DNAH3: variants seen among roughly 807,000 people sequenced by gnomAD.
DNAH3 encodes the protein dynein axonemal heavy chain 3, also known as axonemal beta dynein heavy chain 3.
In DNAH3, 332 loss-of-function variants were observed where a neutral mutation model predicts 432.5. That is an observed-to-expected ratio of 0.77 (90% CI 0.70 to 0.84). DNAH3 has a LOEUF of 0.84. Among genes scored for constraint, DNAH3 ranks in the 40% least tolerant of loss-of-function variants. The pLI, the probability that DNAH3 is intolerant of heterozygous loss-of-function variation, is 0.00. For synonymous variants in DNAH3, 1,956 were observed against 1,900.2 expected (o/e 1.03, Z -0.76); for missense variants, 4,861 against 5,114.0 (o/e 0.95, Z 1.51).
chr16:21,130,059 A>AAATGAATG (rs34767278), intron 7 of DNAH3: 2 of 150,404 alleles, frequency 1.3e-5, no homozygotes, highest in South Asian at 4.3e-4. Context: ...CCTATTTGTT[A>AAATGAATG]AATGAATGAA....
At chr16:21,118,526 C>T (rs1241109691) in intron 11 of DNAH3, among the ~76,000 whole-genome samples, 1 of 152,082 alleles carries the variant, frequency 6.6e-6, no homozygotes, top group Non-Finnish European at 1.5e-5. Context: ...TGTGACTCCT[C>T]AGCTCAAGCA....
At chr16:21,156,996 A>AACACAC (rs34199213) in intron 1 of DNAH3, among the ~76,000 whole-genome samples, 41,320 of 147,204 alleles carry the variant, frequency 0.28, 5,846 homozygotes, top group South Asian at 0.51. Context: ...AATCTAAGGA[A>AACACAC]ACACACACAC....
At chr16:21,151,205 T>C (rs1363966316) in intron 1 of DNAH3, among the ~76,000 whole-genome samples, 1 of 152,128 alleles carries the variant, frequency 6.6e-6, no homozygotes. Flanking sequence ...GTCTGTAAAA[T>C]GGCAATAATG....
intron 5 of DNAH3, among the ~76,000 whole-genome samples, chr16:21,138,145 G>C (rs2152826611): frequency 6.6e-6 from 1 of 152,146 alleles, no homozygotes; most frequent in Non-Finnish European, 1.5e-5. Flanking sequence ...CTACTCAGGA[G>C]GCTGAGACAG....
chr16:21,081,573 C>G, intron 20 of DNAH3, 63 bp downstream of exon 20: 1 of 1,355,118 alleles, frequency 7.4e-7, no homozygotes, highest in Non-Finnish European at 1.0e-6. Context: ...CCAATCAGAT[C>G]ACTGTGGGAA....
chr16:21,036,785 T>C lies in DNAH3; in HGVS notation c.5014A>G (p.Lys1672Glu), dbSNP rs371148500. ...TTTTTGATGTTATCATTCAGCACTT[T>C]CAGAAAAACTTCATAGTCTGGCTTT... Residue 1672 changes from lysine to glutamate, a missense_variant, in exon 35 of 62, where the codon AAA becomes GAA. Transcript: ENST00000261383. 2.5e-6 allele frequency: 4 copies of C among 1,613,302 alleles called. No homozygotes were observed. The African/African-American group carries it at 5.3e-5, about 21-fold the overall frequency.
intron 11 of DNAH3, among the ~76,000 whole-genome samples, chr16:21,118,373 T>C (rs185398189): frequency 6.6e-6 from 1 of 152,324 alleles, no homozygotes; most frequent in Non-Finnish European, 1.5e-5. Context: ...AAACGATGGC[T>C]TTATGATCAT....
At chr16:21,067,809 AAGGCAGGGCCAGGAAAG>A (rs1312160573) in intron 23 of DNAH3, among the ~76,000 whole-genome samples, 1 of 95,950 alleles carries the variant, frequency 1.0e-5, no homozygotes, top group Non-Finnish European at 2.2e-5. Flanking sequence ...GAGACTGACT[AAGGCAGGGCCAGGAAAG>A]AGGAGCCAAG....
At chr16:21,007,073 CTTG>C (rs1305862300) in intron 41 of DNAH3, among the ~76,000 whole-genome samples, 2 of 152,224 alleles carry the variant, frequency 1.3e-5, no homozygotes, top group East Asian at 1.9e-4. Flanking sequence ...CTCACCAATA[CTTG>C]TTGTTTTTCA....
rs141410906 is a variant in DNAH3 at position 21,022,133 on chromosome 16, C to G, written c.5647-33G>C. The G allele has an allele frequency of 8.7e-6, 14 of 1,611,042 alleles. No homozygotes were observed. The African/African-American group carries it at 1.3e-4, about 15-fold the overall frequency. On this transcript the variant is annotated intron_variant, in intron 39 of 61. Transcript: ENST00000261383. ...TAGAAACCTCCATGAGACTTGGAGA[C>G]ATGATCAACAAGTGAGTTGACGACC...
intron 14 of DNAH3, among the ~76,000 whole-genome samples, chr16:21,108,224 C>G (rs916206712): frequency 2.0e-5 from 3 of 152,188 alleles, no homozygotes; most frequent in Admixed American, 6.5e-5. Flanking sequence ...AGCCACCAAC[C>G]TGGAGTTCAG....
rs567634514 is a variant in DNAH3 at position 20,948,353 on chromosome 16, A to G, written c.11343+130T>C. 40 of 907,858 alleles carry G rather than the reference A, an allele frequency of 4.4e-5. No individual in the cohort carries two copies. In the South Asian group the frequency reaches 7.1e-4, roughly 16 times the overall value. The allele number at this position is 907,858 out of a possible 1,614,324, so 56.2% of individuals were successfully genotyped here. On this transcript the variant is annotated intron_variant, in intron 57 of 61. Coordinates refer to ENST00000261383, the Ensembl canonical transcript of DNAH3. The stretch of plus-strand genomic sequence containing the variant: ...GCAGGCTTTTGGGAATATTGGGAAT[A>G]GCTTATGGATTCAATTCAGGAAGCC...
chr16:21,046,866 G>T (rs1168130651), intron 31 of DNAH3, among the ~76,000 whole-genome samples: 1 of 151,948 alleles, frequency 6.6e-6, no homozygotes, highest in African/African-American at 2.4e-5. Flanking sequence ...TGTAAGGCAG[G>T]CCTGGTGGTG....
In DNAH3 at chr16:21,131,504, A is replaced by AGAGAAG. The variant is rs1567846329; in HGVS notation, c.1082+2754_1082+2755insCTTCTC. 1.7e-3 allele frequency among the ~76,000 whole-genome samples: 230 copies of AGAGAAG among 139,246 alleles called. 1 individual carries two copies. The highest frequency in any genetic ancestry group is 5.3e-3 in the African/African-American group (192 of 35,964). The allele number at this position is 139,246 out of a possible 152,430, so 91.4% of individuals were successfully genotyped here. A position where few individuals can be genotyped will look rare whatever the true frequency, so the allele number is the denominator to read the frequency against. Reference sequence around the variant, plus strand: ...GAAAGAAAAGAAAGAGAGATGAGAGAGAAGGAAGGAAGGAAGGAAGGAAGG... The same window carrying AGAGAAG: ...GAAAGAAAAGAAAGAGAGATGAGAGAGAGAAGGAAGGAAGGAAGGAAGGAAGGAAGG... On this transcript the variant is annotated intron_variant, in intron 7 of 61. Transcript: ENST00000261383.
In DNAH3 at chr16:21,033,882, G is replaced by A. The variant is rs367910300; in HGVS notation, c.5197+92C>T. 127 of 830,436 alleles carry A rather than the reference G, an allele frequency of 1.5e-4. 2 individuals carry two copies. The South Asian group carries it at 1.9e-3, about 13-fold the overall frequency. The allele number at this position is 830,436 out of a possible 1,614,324, so 51.4% of individuals were successfully genotyped here. On this transcript the variant is annotated intron_variant, in intron 36 of 61. Transcript: ENST00000261383. Reference sequence around the variant, plus strand: ...AGCTCTGACGTCACGATCGAGGCCTGACAAGACTAGCAGCCTGGCATTATC... The same window carrying A: ...AGCTCTGACGTCACGATCGAGGCCTAACAAGACTAGCAGCCTGGCATTATC...
chr16:20,935,554 T>C, intron 60 of DNAH3, 69 bp from the exon 61 acceptor site: 6 of 1,518,072 alleles, frequency 4.0e-6, no homozygotes, highest in Non-Finnish European at 5.4e-6. Flanking sequence ...GCAAGTAATG[T>C]AACGAGTACC....
chr16:20,944,940 A>G (rs1290877896), intron 57 of DNAH3, among the ~76,000 whole-genome samples: 4 of 152,186 alleles, frequency 2.6e-5, no homozygotes, highest in African/African-American at 9.7e-5. Context: ...GGACCCAAAC[A>G]GAACTGAGTT....
At position 21,067,282 on chromosome 16, in the gene DNAH3, C is replaced by G. The variant is rs2090587254; in HGVS notation, c.3518+1G>C. 6.2e-7 allele frequency: 1 copy of G among 1,613,966 alleles called. No individual in the cohort carries two copies. The highest frequency in any genetic ancestry group is 8.5e-7 in the Non-Finnish European group (1 of 1,179,886). Reference sequence around the variant, plus strand: ...CCAAATAAAAGAACAATGCTGGATACCTGGGGAAGAATAGTCTCTTCTTCT... The same window carrying G: ...CCAAATAAAAGAACAATGCTGGATAGCTGGGGAAGAATAGTCTCTTCTTCT... On this transcript the variant is annotated splice_donor_variant, in intron 24 of 61. Coordinates refer to ENST00000261383, the Ensembl canonical transcript of DNAH3. LOFTEE classifies it high-confidence loss of function.
chr16:20,996,121 G>A (rs763897634), intron 44 of DNAH3, among the ~76,000 whole-genome samples: 3 of 152,166 alleles, frequency 2.0e-5, no homozygotes, highest in South Asian at 2.1e-4. Flanking sequence ...TTTATGTGAC[G>A]ATTTGGGAAG....
Sources: gnomAD v4.1 joint callset for allele counts (sites outside exome capture counted in the v4.1 genomes callset) on GRCh38, gnomAD v4.1.1 for gene constraint, MANE v1.5 for transcripts, NCBI Gene and HGNC (gene_info 2026-07-23, HGNC 2026-07-21) for gene names.